TNFSF8: variants seen among roughly 807,000 people sequenced by gnomAD.
TNFSF8 encodes tumor necrosis factor ligand superfamily member 8.
A neutral mutation model predicts 22.0 loss-of-function variants in TNFSF8; 4 were observed. That is an observed-to-expected ratio of 0.18 (90% CI 0.09 to 0.42). The LOEUF is 0.42. Among genes scored for constraint, TNFSF8 ranks in the 10% least tolerant of loss-of-function variants. The pLI, the probability that TNFSF8 is intolerant of heterozygous loss-of-function variation, is 1.00. For missense variants in TNFSF8, 233 were observed against 281.8 expected (o/e 0.83, Z 1.24); for synonymous variants, 106 against 112.5 (o/e 0.94, Z 0.37).
At chr9:114,893,842 C>A in exon 5 of TNFSF8, 2 of 474,848 alleles carry the variant, frequency 4.2e-6, no homozygotes, top group East Asian at 3.6e-5. Flanking sequence ...AATGAGTTGG[C>A]ACTTTGAGTA....
At chr9:114,909,488 G>T (rs1048537941) in intron 2 of TNFSF8, among the ~76,000 whole-genome samples, 3 of 152,162 alleles carry the variant, frequency 2.0e-5, no homozygotes, top group African/African-American at 7.2e-5. Context: ...TCCCTATTAG[G>T]TTTGTGCAAA....
chr9:114,924,901 C>T (rs57580797), intron 1 of TNFSF8, among the ~76,000 whole-genome samples: 1 of 152,284 alleles, frequency 6.6e-6, no homozygotes, highest in African/African-American at 2.4e-5. Flanking sequence ...TCACACAGGG[C>T]TCGCTCCTGG....
At chr9:114,896,441 C>T (rs1827656011), downstream of TNFSF8, among the ~76,000 whole-genome samples, 1 of 152,020 alleles carries the variant, frequency 6.6e-6, no homozygotes, top group Admixed American at 6.6e-5. Flanking sequence ...CTAAGGTATA[C>T]CAAGGTTTGA....
intron 4 of TNFSF8, chr9:114,894,187 T>C: frequency 6.6e-7 from 1 of 1,520,948 alleles, no homozygotes; most frequent in Non-Finnish European, 8.8e-7. Flanking sequence ...ATAACTTTAC[T>C]TTGTAGATAT....
At chr9:114,894,682 C>T (rs1369829766) in intron 4 of TNFSF8, among the ~76,000 whole-genome samples, 1 of 152,170 alleles carries the variant, frequency 6.6e-6, no homozygotes, top group Non-Finnish European at 1.5e-5. Context: ...TATTTGAAGG[C>T]TTCCATGTGG....
chr9:114,906,997 T>G (rs1189239971), intron 2 of TNFSF8, among the ~76,000 whole-genome samples: 3 of 152,202 alleles, frequency 2.0e-5, no homozygotes, highest in African/African-American at 4.8e-5. Flanking sequence ...GCCCATTCAA[T>G]GGAGCAGCCA....
intron 2 of TNFSF8, among the ~76,000 whole-genome samples, chr9:114,907,073 G>A (rs926135675): frequency 1.3e-5 from 2 of 152,302 alleles, no homozygotes; most frequent in Admixed American, 1.3e-4. Context: ...CTTTCCCATT[G>A]CAGTCTCTGC....
downstream of TNFSF8, among the ~76,000 whole-genome samples, chr9:114,896,343 G>A (rs981156205): frequency 6.6e-6 from 1 of 152,160 alleles, no homozygotes; most frequent in African/African-American, 2.4e-5. Flanking sequence ...GCTTAAATTT[G>A]GGAGCTTAAA....
At chr9:114,919,883 G>A (rs953605586) in intron 1 of TNFSF8, among the ~76,000 whole-genome samples, 3 of 152,150 alleles carry the variant, frequency 2.0e-5, no homozygotes, top group African/African-American at 4.8e-5. Flanking sequence ...AGTCAAGGAG[G>A]TCTCCTGAAG....
chr9:114,921,274 C>A (rs1748978196), intron 1 of TNFSF8, among the ~76,000 whole-genome samples: 1 of 152,156 alleles, frequency 6.6e-6, no homozygotes, highest in African/African-American at 2.4e-5. Context: ...GGGATGAGGT[C>A]TTTACAGCTT....
intron 2 of TNFSF8, among the ~76,000 whole-genome samples, chr9:114,908,646 A>G (rs954480747): frequency 2.0e-5 from 2 of 101,438 alleles, no homozygotes; most frequent in Non-Finnish European, 3.3e-5. Context: ...CCGAGGATGG[A>G]AAAAAAAAAC....
intron 3 of TNFSF8, among the ~76,000 whole-genome samples, chr9:114,905,217 G>T (rs1312036368): frequency 6.6e-6 from 1 of 152,164 alleles, no homozygotes; most frequent in East Asian, 1.9e-4. Context: ...CTGCAAAATT[G>T]AATTTTTAAA....
chr9:114,903,860 C>A lies in TNFSF8; in HGVS notation c.*71G>T. The A allele has an allele frequency of 6.6e-7, 1 of 1,519,886 alleles. No individual in the cohort carries two copies. The highest frequency in any genetic ancestry group is 2.3e-5 in the Admixed American group (1 of 44,268). The allele number at this position is 1,519,886 out of a possible 1,614,324, so 94.1% of individuals were successfully genotyped here. ...TCTTGGTCTAAAGTTTTCTTTTTGC[C>A]CAAGTGTTTGGAGGGATGAAATACT... On this transcript the variant is annotated 3_prime_UTR_variant, in exon 4 of 4. Coordinates refer to ENST00000223795, the MANE Select transcript of TNFSF8 (RefSeq NM_001244.4).
intron 2 of TNFSF8, among the ~76,000 whole-genome samples, chr9:114,907,848 G>T (rs368174066): frequency 6.6e-6 from 1 of 152,150 alleles, no homozygotes; most frequent in East Asian, 1.9e-4. Flanking sequence ...TTGTACATAA[G>T]GAAATGGACC....
At chr9:114,898,232 G>A (rs1340234539), downstream of TNFSF8, among the ~76,000 whole-genome samples, 1 of 152,092 alleles carries the variant, frequency 6.6e-6, no homozygotes. Context: ...TCGAACTCCT[G>A]ATCTCATGAT....
chr9:114,901,369 C>T lies in TNFSF8; in HGVS notation c.*2562G>A. ...TACATTATTCATTTAAATGATGTAC[C>T]CCTTGTGTCTTTAGGTGTTGGCTTT... On this transcript the variant is annotated 3_prime_UTR_variant, in exon 4 of 4. Transcript: ENST00000223795. 11 of 984,772 alleles carry T rather than the reference C, an allele frequency of 1.1e-5. No individual in the cohort carries two copies. Among genetic ancestry groups the T allele is most frequent in the Non-Finnish European group, 1.3e-5 (11 of 829,762 alleles). 61.0% of individuals were successfully genotyped at this position (984,772 alleles called of 1,614,324 possible).
In TNFSF8 at chr9:114,907,161, G is replaced by C. The variant is rs1827795120; in HGVS notation, c.239-1262C>G. Among the ~76,000 whole-genome samples, 3 of 152,296 alleles carry C rather than the reference G, an allele frequency of 2.0e-5. No individual in the cohort carries two copies. The South Asian group carries it at 6.2e-4, about 32-fold the overall frequency. ...GGAGTGGTTGAAAGTTAAATGAAGAGTTCCCTCTGCTGTCTGAACAAGCTC... is the reference window on the plus strand; with the variant it reads ...GGAGTGGTTGAAAGTTAAATGAAGACTTCCCTCTGCTGTCTGAACAAGCTC... On this transcript the variant is annotated intron_variant, in intron 2 of 3. Transcript: ENST00000223795.
intron 1 of TNFSF8, among the ~76,000 whole-genome samples, chr9:114,926,274 A>G (rs1476543239): frequency 6.6e-6 from 1 of 152,000 alleles, no homozygotes; most frequent in African/African-American, 2.4e-5. Context: ...CTAAAAATAC[A>G]AAAAAATTAG....
At chr9:114,926,908 C>A (rs1394947241) in intron 1 of TNFSF8, among the ~76,000 whole-genome samples, 1 of 145,896 alleles carries the variant, frequency 6.9e-6, no homozygotes, top group Non-Finnish European at 1.5e-5. Flanking sequence ...TATAGTATTT[C>A]CTAATATAAA....
Sources: gnomAD v4.1 joint callset for allele counts (sites outside exome capture counted in the v4.1 genomes callset) on GRCh38, gnomAD v4.1.1 for gene constraint, MANE v1.5 for transcripts, NCBI Gene and HGNC (gene_info 2026-07-23, HGNC 2026-07-21) for gene names.